Variants in ABCD2 observed in about 807,000 individuals in gnomAD.
ABCD2 encodes ATP binding cassette subfamily D member 2.
ABCD2 carries 36 observed loss-of-function variants against 70.9 expected under a neutral mutation model. The ratio of observed to expected loss-of-function variants is 0.51; its 90% CI spans 0.39 to 0.67. The LOEUF is 0.67. Ranked by LOEUF, ABCD2 falls within the 30% of genes least tolerant of loss-of-function variation. ABCD2 has a pLI of 0.00. For synonymous variants in ABCD2, 304 were observed against 306.9 expected (o/e 0.99, Z 0.10); for missense variants, 729 against 890.2 (o/e 0.82, Z 2.30).
chr12:39,600,332 G>A (rs1329781963), intron 6 of ABCD2, among the ~76,000 whole-genome samples: 2 of 152,082 alleles, frequency 1.3e-5, no homozygotes, highest in Non-Finnish European at 2.9e-5. Context: ...AACATCTGCA[G>A]TCTTTGAGTA....
chr12:39,601,701 G>C (rs1275904941), intron 5 of ABCD2, among the ~76,000 whole-genome samples: 2 of 151,868 alleles, frequency 1.3e-5, no homozygotes, highest in Non-Finnish European at 2.9e-5. Flanking sequence ...GTATAGAAAG[G>C]ATACCAATAT....
chr12:39,577,358 C>T (rs561445091), intron 8 of ABCD2, among the ~76,000 whole-genome samples: 28 of 152,060 alleles, frequency 1.8e-4, no homozygotes, highest in African/African-American at 6.3e-4. Flanking sequence ...TTCCAGTTTA[C>T]AGAAAAAAAT....
intron 9 of ABCD2, among the ~76,000 whole-genome samples, chr12:39,565,261 G>A (rs1462782304): frequency 1.4e-4 from 22 of 152,272 alleles, no homozygotes; most frequent in Non-Finnish European, 1.5e-4. Flanking sequence ...CTACCCATGA[G>A]CATGGAATGT....
chr12:39,557,394 G>T (rs1307021897), intron 9 of ABCD2, among the ~76,000 whole-genome samples: 2 of 152,124 alleles, frequency 1.3e-5, no homozygotes, highest in East Asian at 3.9e-4. Context: ...ACAAAGAGAT[G>T]ATTTGGAATT....
chr12:39,562,501 G>A (rs1261480695), intron 9 of ABCD2, among the ~76,000 whole-genome samples: 1 of 151,946 alleles, frequency 6.6e-6, no homozygotes, highest in Non-Finnish European at 1.5e-5. Context: ...TTAAAAAAGA[G>A]AAATTATAAT....
chr12:39,603,876 T>C, intron 5 of ABCD2, 36 bp downstream of exon 5: 1 of 1,457,322 alleles, frequency 6.9e-7, no homozygotes, highest in Non-Finnish European at 9.6e-7. Flanking sequence ...ATTAGTGTGA[T>C]GGCAACAATC....
chr12:39,613,720 A>G (rs1942078709), intron 2 of ABCD2, among the ~76,000 whole-genome samples: 1 of 152,136 alleles, frequency 6.6e-6, no homozygotes, highest in African/African-American at 2.4e-5. Flanking sequence ...CCGCTAACTA[A>G]CTGTGTGACT....
intron 7 of ABCD2, among the ~76,000 whole-genome samples, chr12:39,583,003 G>A (rs1189906728): frequency 2.0e-5 from 3 of 152,034 alleles, no homozygotes; most frequent in Non-Finnish European, 2.9e-5. Flanking sequence ...GAGACTACAG[G>A]GGTGTGCCAC....
intron 8 of ABCD2, among the ~76,000 whole-genome samples, chr12:39,576,224 A>C (rs188846508): frequency 1.3e-5 from 2 of 152,298 alleles, no homozygotes. Flanking sequence ...CAGTGGCACC[A>C]TCTCGGCTCA....
intron 6 of ABCD2, among the ~76,000 whole-genome samples, chr12:39,596,402 G>T (rs1360477797): frequency 6.6e-6 from 1 of 151,032 alleles, no homozygotes; most frequent in African/African-American, 2.4e-5. Flanking sequence ...GCTAATTATT[G>T]TCTATCCTAA....
intron 6 of ABCD2, among the ~76,000 whole-genome samples, chr12:39,592,691 T>G (rs761382749): frequency 6.6e-6 from 1 of 152,228 alleles, no homozygotes; most frequent in Admixed American, 6.5e-5. Context: ...GAGCTCTGGA[T>G]TAAGCCACAT....
At chr12:39,581,112 T>C (rs1215183221) in intron 7 of ABCD2, among the ~76,000 whole-genome samples, 1 of 152,086 alleles carries the variant, frequency 6.6e-6, no homozygotes, top group East Asian at 1.9e-4. Flanking sequence ...CATTAAAAAA[T>C]GTATAAAAGC....
chr12:39,607,662 A>G lies in ABCD2; in HGVS notation c.1173T>C (p.Thr391=), dbSNP rs141799413. Residue 391 remains threonine (T), a synonymous_variant, in exon 3 of 10, where the codon ACT becomes ACC. Coordinates refer to ENST00000308666, the MANE Select transcript of ABCD2 (RefSeq NM_005164.4). ...CTCCAGAGGCCAGTAAATTTCGAGC[A>G]GTGGTAAAGGCTTCTGTCCGTTCAC... ...MVSERTEAFT[T]ARNLLASGAD... 3.1e-6 allele frequency: 5 copies of G among 1,613,608 alleles called. No individual in the cohort carries two copies. In the African/African-American group the frequency reaches 6.7e-5, roughly 22 times the overall value.
chr12:39,602,374 G>A (rs1388134327), intron 5 of ABCD2, among the ~76,000 whole-genome samples: 4 of 151,790 alleles, frequency 2.6e-5, no homozygotes, highest in South Asian at 2.1e-4. Flanking sequence ...GGCTGGTCTC[G>A]AACTCCTGAC....
At chr12:39,541,847 A>T in the ABCD2 span, among the ~76,000 whole-genome samples, 2 of 152,226 alleles carry the variant, frequency 1.3e-5, no homozygotes, top group Non-Finnish European at 2.9e-5. Context: ...CTACAACATT[A>T]ATGAACTTCA....
chr12:39,542,910 T>G, the ABCD2 span, among the ~76,000 whole-genome samples: 1 of 151,906 alleles, frequency 6.6e-6, no homozygotes, highest in Admixed American at 6.6e-5. Flanking sequence ...TTGTACAGAG[T>G]GGAACAGTGA....
downstream of ABCD2, among the ~76,000 whole-genome samples, chr12:39,549,572 G>A (rs946577924): frequency 6.6e-6 from 1 of 151,378 alleles, no homozygotes; most frequent in African/African-American, 2.4e-5. Flanking sequence ...CTCTCCCATA[G>A]GACCACACCC....
At chr12:39,605,616 A>T (rs1445820602) in intron 3 of ABCD2, among the ~76,000 whole-genome samples, 2 of 152,002 alleles carry the variant, frequency 1.3e-5, no homozygotes, top group Non-Finnish European at 2.9e-5. Context: ...CCTTGTTCCT[A>T]TTCTCTCAGC....
intron 9 of ABCD2, among the ~76,000 whole-genome samples, chr12:39,559,905 A>G (rs965536672): frequency 6.6e-6 from 1 of 152,222 alleles, no homozygotes; most frequent in Non-Finnish European, 1.5e-5. Context: ...AATGATGCTA[A>G]TGGGTAATAA....
Sources: allele counts gnomAD v4.1 joint callset (sites outside exome capture counted in the v4.1 genomes callset), GRCh38; gene constraint gnomAD v4.1.1; transcripts MANE v1.5; gene names NCBI Gene and HGNC (gene_info 2026-07-23, HGNC 2026-07-21).